MEIS1: variants seen among roughly 807,000 people sequenced by gnomAD.
MEIS1 encodes the protein Meis homeobox 1, also known as homeobox protein Meis1.
Under a neutral mutation model 50.8 loss-of-function variants are expected in MEIS1, and 5 were observed. The observed-to-expected ratio is 0.10, with a 90% CI of 0.05 to 0.21. MEIS1 has a LOEUF of 0.21. MEIS1 is among the 10% of genes least tolerant of loss of function. The pLI, the probability that MEIS1 is intolerant of heterozygous loss-of-function variation, is 1.00. For synonymous variants in MEIS1, 176 were observed against 179.3 expected, an observed-to-expected ratio of 0.98 and a Z score of 0.15; for missense variants, 318 against 517.3, an observed-to-expected ratio of 0.61 and a Z score of 3.74.
chr2:66,515,197 T>G (rs1250743704), intron 8 of MEIS1, among the ~76,000 whole-genome samples: 1 of 152,182 alleles, frequency 6.6e-6, no homozygotes, highest in African/African-American at 2.4e-5. Context: ...CAATACCAAT[T>G]TATTAGTAAA....
At chr2:66,493,270 C>T (rs1673317523) in intron 7 of MEIS1, among the ~76,000 whole-genome samples, 1 of 152,206 alleles carries the variant, frequency 6.6e-6, no homozygotes, top group Non-Finnish European at 1.5e-5. Context: ...AGCCCCTTCT[C>T]ATTTCTCTGG....
chr2:66,558,681 C>A (rs1431719945), intron 9 of MEIS1, among the ~76,000 whole-genome samples: 1 of 152,152 alleles, frequency 6.6e-6, no homozygotes, highest in African/African-American at 2.4e-5. Context: ...CCAGACGGAA[C>A]TAGAAATCAA....
Position 66,435,845 on chromosome 2 carries a change from C to T in MEIS1, c.-12C>T, listed in dbSNP as rs1671785154. The T allele has an allele frequency of 6.4e-7, 1 of 1,565,188 alleles. No individual in the cohort carries two copies. The highest frequency in any genetic ancestry group is 8.6e-7 in the Non-Finnish European group (1 of 1,160,208). On this transcript the variant is annotated 5_prime_UTR_variant, in exon 1 of 13. Coordinates refer to ENST00000272369, the MANE Select transcript of MEIS1 (RefSeq NM_002398.3). ...ATTAGAAGTTGAAGTAGGAAGGGAG[C>T]CAGAGAGGCCGATGGCGCAAAGGGT...
At chr2:66,525,899 G>A (rs913463236) in intron 8 of MEIS1, among the ~76,000 whole-genome samples, 7 of 152,246 alleles carry the variant, frequency 4.6e-5, no homozygotes, top group African/African-American at 1.7e-4. Context: ...TCCTGCAGAG[G>A]CTCTGCAGAT....
intron 8 of MEIS1, among the ~76,000 whole-genome samples, chr2:66,533,115 C>G (rs1674433556): frequency 6.6e-6 from 1 of 152,160 alleles, no homozygotes; most frequent in South Asian, 2.1e-4. Context: ...TTGATCTATC[C>G]TAGCTGGAGC....
At chr2:66,474,641 G>A (rs193047746) in intron 7 of MEIS1, among the ~76,000 whole-genome samples, 56 of 152,234 alleles carry the variant, frequency 3.7e-4, no homozygotes, top group Middle Eastern at 3.4e-3. Flanking sequence ...GGTAAAGTTG[G>A]GTTTTGCTCA....
intron 7 of MEIS1, among the ~76,000 whole-genome samples, chr2:66,485,402 G>A (rs1198168406): frequency 6.6e-6 from 1 of 152,168 alleles, no homozygotes; most frequent in Non-Finnish European, 1.5e-5. Flanking sequence ...ATGGTTTCCA[G>A]CTTCATCCAT....
chr2:66,477,938 C>G (rs921998089), intron 7 of MEIS1, among the ~76,000 whole-genome samples: 2 of 152,138 alleles, frequency 1.3e-5, no homozygotes, highest in South Asian at 4.1e-4. Flanking sequence ...ACTCTGGTTA[C>G]GTTGACTTTT....
chr2:66,495,078 ACCTTTTTTTTT>A (rs1192452999), intron 7 of MEIS1, among the ~76,000 whole-genome samples: 1 of 85,014 alleles, frequency 1.2e-5, no homozygotes, highest in Non-Finnish European at 2.5e-5. Flanking sequence ...CCCTCTTCTG[ACCTTTTTTTTT>A]TTTTTTTTTT....
chr2:66,527,641 TTG>T (rs1674288260), intron 8 of MEIS1, among the ~76,000 whole-genome samples: 2 of 87,158 alleles, frequency 2.3e-5, no homozygotes, highest in Non-Finnish European at 5.0e-5. Flanking sequence ...TGTGTGTGTG[TTG>T]GGGGGGAGAC....
At chr2:66,496,032 G>C (rs1334130101) in intron 7 of MEIS1, 1 of 152,412 alleles carries the variant, frequency 6.6e-6, no homozygotes, top group African/African-American at 2.4e-5. Flanking sequence ...CAGCACAGGA[G>C]AGCAGTATTC....
At chr2:66,439,352 C>A (rs1394676297) in intron 2 of MEIS1, 17 of 1,223,050 alleles carry the variant, frequency 1.4e-5, no homozygotes, top group Non-Finnish European at 1.7e-5. Context: ...CATGGACGTC[C>A]TTTCCCCAAG....
chr2:66,564,469 G>T (rs1369407655), intron 9 of MEIS1, among the ~76,000 whole-genome samples: 1 of 152,188 alleles, frequency 6.6e-6, no homozygotes, highest in African/African-American at 2.4e-5. Context: ...CATAGACAAA[G>T]ATCAGCCTAC....
chr2:66,475,279 T>C (rs1014667810), intron 7 of MEIS1, among the ~76,000 whole-genome samples: 1 of 146,544 alleles, frequency 6.8e-6, no homozygotes, highest in South Asian at 2.1e-4. Context: ...ATATATTATA[T>C]ATAAAAATAT....
At chr2:66,559,867 A>G (rs750214942) in intron 9 of MEIS1, among the ~76,000 whole-genome samples, 10 of 152,076 alleles carry the variant, frequency 6.6e-5, no homozygotes, top group Admixed American at 1.3e-4. Context: ...TGTGATCATG[A>G]TTCACTGCAG....
chr2:66,436,943 G>A (rs1671811997), intron 1 of MEIS1: 3 of 982,960 alleles, frequency 3.1e-6, no homozygotes, highest in Admixed American at 6.2e-5. Context: ...CTTTAAACCT[G>A]GTGAGTAACA....
chr2:66,437,019 G>A (rs1196475261), intron 1 of MEIS1: 13 of 889,830 alleles, frequency 1.5e-5, no homozygotes, highest in Non-Finnish European at 1.7e-5. Context: ...TAGAATATTA[G>A]CTGCTTCAAC....
At chr2:66,503,049 C>G (rs1367524793) in intron 7 of MEIS1, among the ~76,000 whole-genome samples, 2 of 152,140 alleles carry the variant, frequency 1.3e-5, no homozygotes, top group Admixed American at 1.3e-4. Flanking sequence ...TGGGGTCTAC[C>G]TGAATGGACT....
intron 7 of MEIS1, among the ~76,000 whole-genome samples, chr2:66,502,434 A>ATT (rs1673581061): frequency 6.6e-6 from 1 of 152,236 alleles, no homozygotes; most frequent in African/African-American, 2.4e-5. Context: ...AAATTCTGCC[A>ATT]TTTAAAGATT....
Sources: allele counts gnomAD v4.1 joint callset (sites outside exome capture counted in the v4.1 genomes callset), GRCh38; gene constraint gnomAD v4.1.1; transcripts MANE v1.5; gene names NCBI Gene and HGNC (gene_info 2026-07-23, HGNC 2026-07-21).